DKK3: variants seen among roughly 807,000 people sequenced by gnomAD.
DKK3 encodes the protein dickkopf Wnt signaling pathway inhibitor 3, also known as dickkopf-related protein 3.
Under a neutral mutation model 33.2 loss-of-function variants are expected in DKK3, and 22 were observed. That is an observed-to-expected ratio of 0.66 (90% CI 0.47 to 0.95). The LOEUF (loss-of-function observed/expected upper bound fraction) is 0.95, where lower values mean the gene tolerates loss of function less well. Ranked by LOEUF, DKK3 falls within the 40% of genes least tolerant of loss-of-function variation. DKK3 has a pLI of 0.00. For synonymous variants in DKK3, 194 were observed against 188.8 expected (o/e 1.03, Z -0.23); for missense variants, 398 against 458.4 (o/e 0.87, Z 1.20).
chr11:11,994,163 T>C (rs774245971), intron 3 of DKK3, among the ~76,000 whole-genome samples: 1 of 152,002 alleles, frequency 6.6e-6, no homozygotes, highest in African/African-American at 2.4e-5. Flanking sequence ...CTCCCCCCAG[T>C]CTCATGCCAT....
upstream of DKK3, chr11:12,008,734 G>A (rs942073513): frequency 8.3e-7 from 1 of 1,206,524 alleles, no homozygotes; most frequent in Non-Finnish European, 1.0e-6. The surrounding 1 kb of genome is among the most constrained non-coding windows in gnomAD (Gnocchi z 4.6). Flanking sequence ...CCGGAGACGG[G>A]AGGAAACCGA....
rs755875368 is a variant in DKK3 at position 11,964,576 on chromosome 11, A to G, written c.941T>C (p.Met314Thr). Residue 314 changes from methionine to threonine, a missense_variant, in exon 7 of 7, where the codon ATG (methionine) becomes ACG (threonine). Transcript: ENST00000683431. ...VPDEYEVGSF[M>T]EEVRQELEDL... ...CTCCAGCTCCTGGCGCACCTCCTCC[A>G]TGAAGCTGCCAACTTCATACTCATC... The G allele has an allele frequency of 2.5e-6, 4 of 1,614,100 alleles. No homozygotes were observed. In the South Asian group the frequency reaches 3.3e-5, roughly 13 times the overall value.
chr11:12,004,522 G>A (rs542870263), intron 1 of DKK3, among the ~76,000 whole-genome samples: 1 of 152,314 alleles, frequency 6.6e-6, no homozygotes, highest in East Asian at 1.9e-4. Flanking sequence ...GTCATTGCCT[G>A]CAGCATCCTC....
At chr11:11,969,380 G>C (rs375280419) in intron 3 of DKK3, among the ~76,000 whole-genome samples, 61 of 152,244 alleles carry the variant, frequency 4.0e-4, no homozygotes, top group African/African-American at 1.4e-3. Context: ...CAGGCTTGAC[G>C]GCCCTGATCT....
Position 12,008,559 on chromosome 11 carries a change from C to G in DKK3, c.24G>C (p.Leu8=), listed in dbSNP as rs1848591500. The change falls in exon 1 of 7, where the codon CTG becomes CTC. Residue 8 remains leucine, a synonymous_variant. Transcript: ENST00000683431. The surrounding 1 kb of genome is among the most constrained non-coding windows in gnomAD (Gnocchi z 4.6). ...CCGCCGCCGCCAGCAGCAGGCACAG[C>G]AGGGTGGCCCCAAGCCGCTGCATCT... The part of the protein sequence containing the change: MQRLGAT[L]LCLLLAAAVP... 1 of 1,515,954 alleles carries G rather than the reference C, an allele frequency of 6.6e-7. No homozygotes were observed. Among genetic ancestry groups the G allele is most frequent in the Admixed American group, 2.1e-5 (1 of 48,518 alleles). 93.9% of individuals were successfully genotyped at this position (1,515,954 alleles called of 1,614,324 possible). A position where few individuals can be genotyped will look rare whatever the true frequency, so the allele number is the denominator to read the frequency against.
chr11:11,973,489 T>A (rs1847768090), intron 3 of DKK3, among the ~76,000 whole-genome samples: 2 of 152,184 alleles, frequency 1.3e-5, no homozygotes. Flanking sequence ...CCCTGCTGCA[T>A]GGACTTCAGC....
At position 11,963,212 on chromosome 11, in the gene DKK3, T is replaced by G. The variant is rs1453537911; in HGVS notation, c.*1252A>C. The G allele has an allele frequency of 2.6e-5, 4 of 152,654 alleles. No individual in the cohort carries two copies. Among genetic ancestry groups the G allele is most frequent in the African/African-American group, 9.6e-5 (4 of 41,458 alleles). 9.5% of individuals were successfully genotyped at this position (152,654 alleles called of 1,614,324 possible). ...TACAATCATGTGCAACTTTAAACTTTAAGAACTCTGGATGAATACATGGTG... is the reference window on the plus strand; with the variant it reads ...TACAATCATGTGCAACTTTAAACTTGAAGAACTCTGGATGAATACATGGTG... On this transcript the variant is annotated 3_prime_UTR_variant, in exon 7 of 7. Coordinates refer to ENST00000683431, the MANE Select transcript of DKK3 (RefSeq NM_001018057.2).
chr11:12,008,235 C>A lies in DKK3; in HGVS notation c.213+135G>T. The A allele has an allele frequency of 1.7e-6, 2 of 1,184,842 alleles. No homozygotes were observed. Among genetic ancestry groups the A allele is most frequent in the Non-Finnish European group, 2.3e-6 (2 of 870,424 alleles). 73.4% of individuals were successfully genotyped at this position (1,184,842 alleles called of 1,614,324 possible). A position where few individuals can be genotyped will look rare whatever the true frequency, so the allele number is the denominator to read the frequency against. ...ACCGTGCGCTGCCTCCAGGTCACTCCGCATCTGCTGTCGGCCCTTCCCAGG... is the reference window on the plus strand; with the variant it reads ...ACCGTGCGCTGCCTCCAGGTCACTCAGCATCTGCTGTCGGCCCTTCCCAGG... On this transcript the variant is annotated intron_variant, in intron 1 of 6. Coordinates refer to ENST00000683431, the MANE Select transcript of DKK3 (RefSeq NM_001018057.2). This position sits in a 1 kb window ranked among gnomAD's most constrained non-coding sequence, Gnocchi z 4.6.
chr11:11,998,440 G>A (rs1367051653), intron 3 of DKK3: 1 of 571,156 alleles, frequency 1.8e-6, no homozygotes, highest in Non-Finnish European at 3.1e-6. Context: ...CCCTTTCAAA[G>A]CTGAGATGGG....
intron 3 of DKK3, among the ~76,000 whole-genome samples, chr11:11,970,699 C>G (rs187683486): frequency 2.0e-5 from 3 of 152,342 alleles, no homozygotes; most frequent in Admixed American, 1.3e-4. Flanking sequence ...GAGGAAGAGA[C>G]AGTGTCAGAG....
At chr11:11,966,815 A>T (rs889075817) in intron 5 of DKK3, 139 bp downstream of exon 5, 4 of 1,216,292 alleles carry the variant, frequency 3.3e-6, no homozygotes, top group Non-Finnish European at 4.6e-6. Context: ...GGAGTGCAGC[A>T]CACACTGATG....
At chr11:12,009,605 G>GT, upstream of DKK3, 1 of 986,022 alleles carries the variant, frequency 1.0e-6, no homozygotes, top group Non-Finnish European at 1.2e-6. Context: ...GCCCACCGAG[G>GT]TTGGGGGTAG....
chr11:12,008,649 C>G, upstream of DKK3: 2 of 1,275,614 alleles, frequency 1.6e-6, no homozygotes, highest in Non-Finnish European at 2.0e-6. The surrounding 1 kb of genome is among the most constrained non-coding windows in gnomAD (Gnocchi z 4.6). Flanking sequence ...GCGGACCACC[C>G]CCCTCGCTGG....
chr11:11,990,130 G>T (rs977179011), intron 3 of DKK3, among the ~76,000 whole-genome samples: 1 of 152,220 alleles, frequency 6.6e-6, no homozygotes, highest in South Asian at 2.1e-4. Context: ...AGACCCTATG[G>T]TGAAAGTTAT....
At chr11:11,987,107 T>A (rs1590530594) in intron 3 of DKK3, among the ~76,000 whole-genome samples, 1 of 152,216 alleles carries the variant, frequency 6.6e-6, no homozygotes, top group African/African-American at 2.4e-5. Flanking sequence ...GACACAGGGA[T>A]ACGGAGGTGG....
chr11:11,989,968 G>C (rs1003818328), intron 3 of DKK3, among the ~76,000 whole-genome samples: 2 of 152,174 alleles, frequency 1.3e-5, no homozygotes, highest in Non-Finnish European at 2.9e-5. Context: ...CAGATGCCTG[G>C]CACAGCGCCT....
intron 3 of DKK3, chr11:11,998,470 AT>A: frequency 1.6e-6 from 1 of 607,618 alleles, no homozygotes; most frequent in South Asian, 2.0e-5. Context: ...TGACCACTCA[AT>A]TTAATTTATC....
chr11:12,006,198 T>G (rs777613368), intron 1 of DKK3, among the ~76,000 whole-genome samples: 1 of 152,146 alleles, frequency 6.6e-6, no homozygotes, highest in Non-Finnish European at 1.5e-5. Flanking sequence ...TAAGAGACAT[T>G]GGGGCCTATA....
rs375902965 is a variant in DKK3 at position 11,998,805 on chromosome 11, G to C, written c.352-26C>G. 603 of 1,585,122 alleles carry C rather than the reference G, an allele frequency of 3.8e-4. No individual in the cohort carries two copies. Among genetic ancestry groups the C allele is most frequent in the Non-Finnish European group, 4.7e-4 (541 of 1,154,690 alleles). On this transcript the variant is annotated intron_variant, in intron 2 of 6. Coordinates refer to ENST00000683431, the MANE Select transcript of DKK3 (RefSeq NM_001018057.2). ...CTACAGTAAAACAGGTACAATGAAA[G>C]TAAAATAGAAGGAATTCTGGACAAA...
Sources: allele counts gnomAD v4.1 joint callset (sites outside exome capture counted in the v4.1 genomes callset), GRCh38; gene constraint gnomAD v4.1.1; non-coding constraint Gnocchi (gnomAD v3.1); transcripts MANE v1.5; gene names NCBI Gene and HGNC (gene_info 2026-07-23, HGNC 2026-07-21).